The following RBFOX1 variants were observed in gnomAD, a reference collection of about 807,000 sequenced individuals.
RBFOX1 encodes RNA binding protein fox-1 homolog 1.
In RBFOX1, 8 loss-of-function variants were observed where a neutral mutation model predicts 57.7. The ratio of observed to expected loss-of-function variants is 0.14; its 90% CI spans 0.08 to 0.25. The LOEUF is 0.25. Among genes scored for constraint, RBFOX1 ranks in the 10% least tolerant of loss-of-function variants. The probability of loss-of-function intolerance (pLI) is 1.00; values close to 1 mark genes in which losing one functional copy is unlikely to be tolerated. For missense variants in RBFOX1, 611 were observed against 548.5 expected (o/e 1.11, Z -1.14); for synonymous variants, 326 against 222.4 (o/e 1.47, Z -4.15).
At chr16:7,213,313 C>T (rs2091483023) in intron 4 of RBFOX1, among the ~76,000 whole-genome samples, 1 of 152,140 alleles carries the variant, frequency 6.6e-6, no homozygotes, top group Admixed American at 6.6e-5. Flanking sequence ...AATCACGTTG[C>T]ATGGATCCAA....
intron 2 of RBFOX1, among the ~76,000 whole-genome samples, chr16:6,604,234 T>C (rs1307738770): frequency 1.3e-5 from 2 of 152,100 alleles, no homozygotes; most frequent in East Asian, 1.9e-4. Flanking sequence ...GGAGCCATGA[T>C]AGGTGCACCA....
chr16:7,563,177 C>G (rs1194337585), intron 5 of RBFOX1, among the ~76,000 whole-genome samples: 1 of 152,166 alleles, frequency 6.6e-6, no homozygotes, highest in Non-Finnish European at 1.5e-5. Context: ...GCTAATCACT[C>G]AACCAGGATT....
chr16:5,340,948 G>A (rs115009510), intron 1 of RBFOX1, among the ~76,000 whole-genome samples: 124 of 152,242 alleles, frequency 8.1e-4, no homozygotes, highest in African/African-American at 2.9e-3. Context: ...AAAGGGGTTC[G>A]GGGAAGTCTT....
At chr16:6,520,472 C>G (rs1410618421) in intron 2 of RBFOX1, among the ~76,000 whole-genome samples, 3 of 152,132 alleles carry the variant, frequency 2.0e-5, no homozygotes, top group African/African-American at 4.8e-5. Flanking sequence ...AACACATAGT[C>G]TCTGTACACT....
intron 2 of RBFOX1, among the ~76,000 whole-genome samples, chr16:6,364,437 C>A (rs79000884): frequency 6.6e-5 from 10 of 152,126 alleles, no homozygotes; most frequent in Non-Finnish European, 1.3e-4. Flanking sequence ...TAACACCCAC[C>A]TTGCCAAGAA....
chr16:7,109,279 G>A (rs1002132954), intron 4 of RBFOX1, among the ~76,000 whole-genome samples: 3 of 152,080 alleles, frequency 2.0e-5, no homozygotes, highest in African/African-American at 7.2e-5. Flanking sequence ...GTCTACAAAG[G>A]TTGCTATTCT....
chr16:5,245,960 C>G (rs2062288811), intron 1 of RBFOX1, among the ~76,000 whole-genome samples: 1 of 152,102 alleles, frequency 6.6e-6, no homozygotes, highest in African/African-American at 2.4e-5. Context: ...CTTTTATATT[C>G]TGGCCGGGCC....
chr16:6,715,493 T>C (rs1205056814), intron 3 of RBFOX1, among the ~76,000 whole-genome samples: 1 of 152,202 alleles, frequency 6.6e-6, no homozygotes, highest in African/African-American at 2.4e-5. Context: ...TTATAATCTA[T>C]AAGGAGCTTT....
At chr16:7,709,374 C>G (rs2083518216) in intron 15 of RBFOX1, 2 of 1,174,940 alleles carry the variant, frequency 1.7e-6, no homozygotes, top group South Asian at 3.5e-5. Flanking sequence ...TAGCAGAGCA[C>G]TTACCTTAAT....
At chr16:6,658,242 A>ATT (rs781700437) in intron 3 of RBFOX1, among the ~76,000 whole-genome samples, 3 of 141,170 alleles carry the variant, frequency 2.1e-5, no homozygotes, top group African/African-American at 5.2e-5. Flanking sequence ...GAGAGCCTTC[A>ATT]TTTTTTTTTT....
intron 4 of RBFOX1, among the ~76,000 whole-genome samples, chr16:5,924,045 A>T (rs570181624): frequency 1.3e-5 from 2 of 152,198 alleles, no homozygotes; most frequent in South Asian, 4.2e-4. Flanking sequence ...TGCTGTTCTC[A>T]GGATAGTGAC....
intron 3 of RBFOX1, among the ~76,000 whole-genome samples, chr16:6,800,128 C>T (rs187146766): frequency 2.0e-5 from 3 of 152,090 alleles, no homozygotes; most frequent in African/African-American, 7.2e-5. Flanking sequence ...ATTATCGTTC[C>T]TAGTCCTACT....
intron 2 of RBFOX1, among the ~76,000 whole-genome samples, chr16:6,492,929 T>C (rs1237449311): frequency 6.6e-6 from 1 of 152,226 alleles, no homozygotes; most frequent in South Asian, 2.1e-4. Flanking sequence ...GAAGGGACTA[T>C]AAACAGTGAT....
At chr16:6,540,771 G>C (rs1049040120) in intron 2 of RBFOX1, among the ~76,000 whole-genome samples, 2 of 152,080 alleles carry the variant, frequency 1.3e-5, no homozygotes, top group African/African-American at 4.8e-5. Context: ...TTCACTTAAA[G>C]TAACTCTTTA....
At chr16:6,543,402 C>T (rs1187153796) in intron 2 of RBFOX1, among the ~76,000 whole-genome samples, 6 of 152,212 alleles carry the variant, frequency 3.9e-5, no homozygotes, top group African/African-American at 7.2e-5. Context: ...TGAGACTCTG[C>T]GCACCTTTAT....
At chr16:6,460,174 C>T (rs1014809186) in intron 2 of RBFOX1, among the ~76,000 whole-genome samples, 1 of 151,922 alleles carries the variant, frequency 6.6e-6, no homozygotes, top group Non-Finnish European at 1.5e-5. Flanking sequence ...GGCTGGACAT[C>T]CAAGATTAAG....
chr16:6,543,765 C>A (rs953447990), intron 2 of RBFOX1, among the ~76,000 whole-genome samples: 1 of 152,002 alleles, frequency 6.6e-6, no homozygotes, highest in Admixed American at 6.6e-5. Context: ...TCTTTCTAAA[C>A]ACTTAGTAAG....
chr16:7,385,852 C>G (rs2097865782), intron 4 of RBFOX1, among the ~76,000 whole-genome samples: 1 of 152,100 alleles, frequency 6.6e-6, no homozygotes, highest in Non-Finnish European at 1.5e-5. Context: ...CTCCTGGGTT[C>G]AAGCAGTTTT....
intron 4 of RBFOX1, among the ~76,000 whole-genome samples, chr16:7,272,241 T>C (rs564259357): frequency 6.6e-5 from 10 of 152,144 alleles, no homozygotes; most frequent in Admixed American, 2.0e-4. Context: ...CTGGAGTGCA[T>C]TGGTATCACC....
Sources: gnomAD v4.1 joint callset for allele counts (sites outside exome capture counted in the v4.1 genomes callset) on GRCh38, gnomAD v4.1.1 for gene constraint, MANE v1.5 for transcripts, NCBI Gene and HGNC (gene_info 2026-07-23, HGNC 2026-07-21) for gene names.